The following COL4A4 variants were observed in gnomAD, a reference collection of about 807,000 sequenced individuals.
The protein encoded by COL4A4 is collagen alpha-4(IV) chain.
Under a neutral mutation model 192.9 loss-of-function variants are expected in COL4A4, and 105 were observed. The ratio of observed to expected loss-of-function variants is 0.54; its 90% confidence interval spans 0.46 to 0.64. The LOEUF is 0.64. Among genes scored for constraint, COL4A4 ranks in the 30% least tolerant of loss-of-function variants. The probability of loss-of-function intolerance (pLI) is 0.00; values close to 1 mark genes in which losing one functional copy is unlikely to be tolerated. For missense variants in COL4A4, 1,967 were observed against 2,169.3 expected (o/e 0.91, Z 1.85); for synonymous variants, 762 against 769.9 (o/e 0.99, Z 0.17).
intron 34 of COL4A4, among the ~76,000 whole-genome samples, chr2:227,049,697 T>A (rs1576117824): frequency 6.6e-6 from 1 of 152,372 alleles, no homozygotes; most frequent in Non-Finnish European, 1.5e-5. Context: ...TTAGAAAAGA[T>A]ACTGGCTCCT....
chr2:227,042,250 G>C lies in COL4A4; in HGVS notation c.3403C>G (p.His1135Asp). 1 of 1,605,154 alleles carries C rather than the reference G, an allele frequency of 6.2e-7. No individual in the cohort carries two copies. Among genetic ancestry groups the C allele is most frequent in the Non-Finnish European group, 8.5e-7 (1 of 1,171,890 alleles). Residue 1135 changes from histidine to aspartate, a missense_variant, in exon 37 of 48, where the codon CAC becomes GAC. Coordinates refer to ENST00000396625, the MANE Select transcript of COL4A4 (RefSeq NM_000092.5). ...SSGPPGCPGD[H>D]GMPGLRGQPG... Reference sequence around the variant, plus strand: ...TGTCCCCTCAGCCCAGGCATCCCGTGATCACCTGAGGATGACAGGGAAGTT... The same window carrying C: ...TGTCCCCTCAGCCCAGGCATCCCGTCATCACCTGAGGATGACAGGGAAGTT...
chr2:227,100,972 TTTTG>T (rs1391924782), intron 17 of COL4A4, among the ~76,000 whole-genome samples: 12 of 151,734 alleles, frequency 7.9e-5, no homozygotes, highest in Non-Finnish European at 4.4e-5. Context: ...GCCTGGCTAA[TTTTG>T]TTTTTGTATT....
chr2:226,995,556 TA>T, the COL4A4 span: 1 of 1,411,310 alleles, frequency 7.1e-7, no homozygotes, highest in East Asian at 2.3e-5. Flanking sequence ...CCTATTCGTG[TA>T]ATTATTGCCC....
rs369334025 is a variant in COL4A4 at position 227,080,483 on chromosome 2, C to A, written c.1763G>T (p.Arg588Leu). The change falls in exon 24 of 48, where the codon CGG becomes CTG. Residue 588 changes from arginine to leucine, a missense_variant. Coordinates refer to ENST00000396625, the MANE Select transcript of COL4A4 (RefSeq NM_000092.5). ...CCCTTTTTCTCCAGCATGTCCATCCCGACCATGTGATCCTGGCTGCCCTGG... is the reference window on the plus strand; with the variant it reads ...CCCTTTTTCTCCAGCATGTCCATCCAGACCATGTGATCCTGGCTGCCCTGG... ...GFPGQPGSHG[R>L]DGHAGEKGDP... The A allele has an allele frequency of 6.2e-7, 1 of 1,613,968 alleles. No homozygotes were observed. The highest frequency in any genetic ancestry group is 1.3e-5 in the African/African-American group (1 of 74,880).
chr2:227,000,600 T>TAAG (rs1553609045), downstream of COL4A4, among the ~76,000 whole-genome samples: 12 of 152,162 alleles, frequency 7.9e-5, no homozygotes, highest in Admixed American at 7.9e-4. Context: ...CAAAAATGAC[T>TAAG]AAGTTGGCTG....
rs397973979 is a variant in COL4A4 at position 227,156,491 on chromosome 2, G to GAA, written c.-102+7514_-102+7515dup. On this transcript the variant is annotated intron_variant, in intron 1 of 47. Coordinates refer to ENST00000396625, the MANE Select transcript of COL4A4 (RefSeq NM_000092.5). ...GAAGGAAGGAAGATCTCGGGAAATG[G>GAA]AAAAAAAAAATAGGAATAAGCTATG... Among the ~76,000 whole-genome samples, 642 of 146,664 alleles carry GAA rather than the reference G, an allele frequency of 4.4e-3. 3 individuals are homozygous for GAA. Among genetic ancestry groups the GAA allele is most frequent in the African/African-American group, 0.015 (588 of 40,236 alleles).
At chr2:226,982,112 A>G in the COL4A4 span, among the ~76,000 whole-genome samples, 1 of 152,224 alleles carries the variant, frequency 6.6e-6, no homozygotes, top group Non-Finnish European at 1.5e-5. Context: ...CAGCAAGCAC[A>G]CATCTGGCCA....
intron 15 of COL4A4, 70 bp downstream of exon 15, chr2:227,102,719 C>A: frequency 7.4e-7 from 1 of 1,355,976 alleles, no homozygotes; most frequent in East Asian, 2.3e-5. Flanking sequence ...GGACTACTGA[C>A]CTGGTTTTAT....
the COL4A4 span, among the ~76,000 whole-genome samples, chr2:226,967,472 G>A: frequency 2.0e-5 from 3 of 151,762 alleles, no homozygotes; most frequent in Admixed American, 6.6e-5. Context: ...CCATGTTGGT[G>A]TGCTGCACCC....
the COL4A4 span, chr2:226,988,584 C>A: frequency 7.2e-7 from 1 of 1,380,280 alleles, no homozygotes; most frequent in South Asian, 1.9e-5. Context: ...TCAGAAACAT[C>A]AGAAGAGGCC....
rs1324013467 is a variant in COL4A4 at position 227,007,512 on chromosome 2, G to C, written c.4886C>G (p.Ala1629Gly). Reference sequence around the variant, plus strand: ...CCGGCCCTGGCATTCAAGGAATGGTGCTGCTCTGAAATCTTCCAGGCAGCT... The same window carrying C: ...CCGGCCCTGGCATTCAAGGAATGGTCCTGCTCTGAAATCTTCCAGGCAGCT... ...PGSCLEDFRAAPFLECQGRQG... is the reference protein window; with the variant it reads ...PGSCLEDFRAGPFLECQGRQG... Residue 1629 changes from alanine to glycine, a missense_variant, in exon 48 of 48, where the codon GCA becomes GGA. Transcript: ENST00000396625. 2 of 1,613,958 alleles carry C rather than the reference G, an allele frequency of 1.2e-6. No homozygotes were observed. The highest frequency in any genetic ancestry group is 1.7e-6 in the Non-Finnish European group (2 of 1,180,026).
In COL4A4 at chr2:227,155,918, A is replaced by T. The variant is rs112785934; in HGVS notation, c.-102+8089T>A. ...GCCATGTAATCCTTAGCAAGTTTGT[A>T]GCCCCTGTGAACACTTCATTTCTCA... On this transcript the variant is annotated intron_variant, in intron 1 of 47. Coordinates refer to ENST00000396625, the MANE Select transcript of COL4A4 (RefSeq NM_000092.5). 3.3e-3 allele frequency among the ~76,000 whole-genome samples: 509 copies of T among 152,346 alleles called. 2 individuals carry two copies. Among genetic ancestry groups the T allele is most frequent in the Non-Finnish European group, 6.2e-3 (424 of 68,022 alleles).
chr2:227,155,303 C>A (rs1273180805), intron 1 of COL4A4, among the ~76,000 whole-genome samples: 1 of 152,088 alleles, frequency 6.6e-6, no homozygotes, highest in Non-Finnish European at 1.5e-5. Flanking sequence ...CACCATCTGG[C>A]AATATAGGCT....
Position 227,060,123 on chromosome 2 carries a change from A to ACC in COL4A4, c.2164+12_2164+13insGG. 1 of 1,446,572 alleles carries ACC rather than the reference A, an allele frequency of 6.9e-7. No homozygotes were observed. The highest frequency in any genetic ancestry group is 9.5e-7 in the Non-Finnish European group (1 of 1,053,008). The allele number at this position is 1,446,572 out of a possible 1,614,324, so 89.6% of individuals were successfully genotyped here. ...GCAGAAAAAAAAAAAAAAAAAAAAAAAACCTCACTGACCAGGTGGACCTGG... is the reference window on the plus strand; with the variant it reads ...GCAGAAAAAAAAAAAAAAAAAAAAAACCAACCTCACTGACCAGGTGGACCTGG... On this transcript the variant is annotated intron_variant, in intron 27 of 47. Coordinates refer to ENST00000396625, the MANE Select transcript of COL4A4 (RefSeq NM_000092.5).
rs1229770021 is a variant in COL4A4, at chr2:227,004,268, T to C, written c.*3057A>G. On this transcript the variant is annotated 3_prime_UTR_variant, in exon 48 of 48. Coordinates refer to ENST00000396625, the MANE Select transcript of COL4A4 (RefSeq NM_000092.5). ...AGAGCAGCAGAAGGGAGCCTAAGTT[T>C]CCCCCAGGGAATTCACCTCCCACGC... 1 of 152,178 alleles carries C rather than the reference T, an allele frequency of 6.6e-6. No individual in the cohort carries two copies. The highest frequency in any genetic ancestry group is 1.5e-5 in the Non-Finnish European group (1 of 68,068). 9.4% of individuals were successfully genotyped at this position (152,178 alleles called of 1,614,324 possible). A position where few individuals can be genotyped will look rare whatever the true frequency, so the allele number is the denominator to read the frequency against.
At chr2:227,140,940 C>T (rs1299335688) in intron 3 of COL4A4, among the ~76,000 whole-genome samples, 1 of 150,744 alleles carries the variant, frequency 6.6e-6, no homozygotes, top group Admixed American at 6.6e-5. Flanking sequence ...GAAGAATCAG[C>T]TCCTTGTTCT....
In COL4A4 at chr2:227,032,158, T is replaced by G; in HGVS notation, c.3696A>C (p.Pro1232=). The G allele has an allele frequency of 6.2e-7, 1 of 1,614,190 alleles. No individual in the cohort carries two copies. Residue 1232 remains proline, a synonymous_variant, in exon 39 of 48, where the codon CCA becomes CCC. Coordinates refer to ENST00000396625, the MANE Select transcript of COL4A4 (RefSeq NM_000092.5). Reference sequence around the variant, plus strand: ...CATGCTACAGCTTACCTGGGGGTCCTGGGGGACCTTTCTTTCCACGAGGAC... The same window carrying G: ...CATGCTACAGCTTACCTGGGGGTCCGGGGGGACCTTTCTTTCCACGAGGAC... ...PPGPRGKKGP[P]GPPGSSGPPG...
intron 31 of COL4A4, 123 bp from the exon 32 acceptor site, chr2:227,052,535 G>A: frequency 1.4e-6 from 1 of 701,474 alleles, no homozygotes; most frequent in East Asian, 2.7e-5. Context: ...TATTTATGTA[G>A]ATCACAAAAT....
intron 7 of COL4A4, among the ~76,000 whole-genome samples, chr2:227,117,814 A>C (rs529673309): frequency 1.5e-5 from 1 of 67,982 alleles, no homozygotes; most frequent in African/African-American, 3.8e-5. Context: ...AAAAGCTAAG[A>C]GCCGTAAGTT....
Sources: allele counts gnomAD v4.1 joint callset (sites outside exome capture counted in the v4.1 genomes callset), GRCh38; gene constraint gnomAD v4.1.1; transcripts MANE v1.5; gene names NCBI Gene and HGNC (gene_info 2026-07-23, HGNC 2026-07-21).